Variants in EXTL3 observed in about 807,000 individuals in gnomAD.
EXTL3 encodes the protein exostosin-like 3.
Under a neutral mutation model 69.3 loss-of-function variants are expected in EXTL3, and 27 were observed. The observed-to-expected ratio is 0.39, with a 90% confidence interval of 0.29 to 0.54. EXTL3 has a LOEUF of 0.54. EXTL3 is among the 20% of genes least tolerant of loss of function. EXTL3 has a pLI of 0.69. For synonymous variants in EXTL3, 511 were observed against 499.4 expected, an observed-to-expected ratio of 1.02 and a Z score of -0.31; for missense variants, 1,003 against 1,231.8, an observed-to-expected ratio of 0.81 and a Z score of 2.78.
intron 1 of EXTL3, among the ~76,000 whole-genome samples, chr8:28,669,915 A>C (rs1319719095): frequency 6.6e-6 from 1 of 151,996 alleles, no homozygotes. Context: ...ATGTCCTTTA[A>C]AGGGACTTTG....
chr8:28,646,750 TG>T (rs1806837473), intron 1 of EXTL3, among the ~76,000 whole-genome samples: 1 of 152,216 alleles, frequency 6.6e-6, no homozygotes, highest in Non-Finnish European at 1.5e-5. Flanking sequence ...TCTGTGAGCT[TG>T]GGGAAGTCAG....
At chr8:28,741,532 C>T (rs1801780059) in intron 5 of EXTL3, 1 of 152,138 alleles carries the variant, frequency 6.6e-6, no homozygotes, top group Non-Finnish European at 1.5e-5. Context: ...CTCAGTGCAG[C>T]CTAGAACTCC....
chr8:28,652,907 A>G (rs932565250), intron 1 of EXTL3, among the ~76,000 whole-genome samples: 5 of 152,174 alleles, frequency 3.3e-5, no homozygotes, highest in Admixed American at 1.3e-4. Flanking sequence ...AACTGAGCAG[A>G]AAGTAGAGAA....
At chr8:28,657,237 C>T (rs1807026042) in intron 1 of EXTL3, among the ~76,000 whole-genome samples, 1 of 152,150 alleles carries the variant, frequency 6.6e-6, no homozygotes, top group African/African-American at 2.4e-5. Flanking sequence ...GCCACTGTGC[C>T]CAGTCTCATT....
intron 1 of EXTL3, among the ~76,000 whole-genome samples, chr8:28,673,141 G>T (rs530459904): frequency 6.6e-6 from 1 of 152,288 alleles, no homozygotes; most frequent in African/African-American, 2.4e-5. Context: ...TGGACTAATA[G>T]AGTAAGCAGA....
rs1233038487 is a variant in EXTL3 at position 28,755,304 on chromosome 8, C to T, written c.*4438C>T. The T allele has an allele frequency of 6.6e-6, 1 of 152,552 alleles. No individual in the cohort carries two copies. Among genetic ancestry groups the T allele is most frequent in the Non-Finnish European group, 1.5e-5 (1 of 68,112 alleles). The allele number at this position is 152,552 out of a possible 1,614,324, so 9.4% of individuals were successfully genotyped here. On this transcript the variant is annotated 3_prime_UTR_variant, in exon 7 of 7. Transcript: ENST00000220562. ...TCACCATGCTGTGTGCTGGCCACTGCTCTGCCTCCCACACCGGACTGCAGC... is the reference window on the plus strand; with the variant it reads ...TCACCATGCTGTGTGCTGGCCACTGTTCTGCCTCCCACACCGGACTGCAGC...
Position 28,608,358 on chromosome 8 carries a change from G to T in EXTL3, n.314+600G>T, listed in dbSNP as rs576135543. ...AATGTGAGACCATCTTGGGAGTCCA[G>T]TGAAAATGAACACTCCCCCAAGATA... On this transcript the variant is annotated intron_variant and non_coding_transcript_variant, in intron 2 of 4. Transcript: ENST00000522725. 7.4e-4 allele frequency among the ~76,000 whole-genome samples: 112 copies of T among 152,152 alleles called. 1 individual carries two copies. The highest frequency in any genetic ancestry group is 2.6e-3 in the African/African-American group (109 of 41,452).
At chr8:28,661,257 A>C (rs1269746937) in intron 1 of EXTL3, among the ~76,000 whole-genome samples, 1 of 151,864 alleles carries the variant, frequency 6.6e-6, no homozygotes, top group Non-Finnish European at 1.5e-5. Flanking sequence ...ATAATTTGAT[A>C]ATTTTGGTCA....
chr8:28,684,587 A>C (rs1345397272), intron 1 of EXTL3, among the ~76,000 whole-genome samples: 1 of 152,010 alleles, frequency 6.6e-6, no homozygotes, highest in Non-Finnish European at 1.5e-5. Context: ...ATAGAAAATA[A>C]AAAATGTTGC....
At position 28,717,519 on chromosome 8, in the gene EXTL3, A is replaced by G. The variant is rs1200742299; in HGVS notation, c.1460A>G (p.Lys487Arg). ...AACGAGGCGGCCCTGGTGGTGCCAA[A>G]GCCTCGTGTTACCGAGGTTCATTTC... ...QWNEAALVVP[K>R]PRVTEVHFLL... The change falls in exon 3 of 7, where the codon AAG becomes AGG. Residue 487 changes from lysine to arginine, a missense_variant. Lys to Arg is a conservative substitution (Grantham distance 26). Coordinates refer to ENST00000220562, the MANE Select transcript of EXTL3 (RefSeq NM_001440.4). This position sits in a 1 kb window ranked among gnomAD's most constrained non-coding sequence, Gnocchi z 8.3. The G allele has an allele frequency of 6.2e-7, 1 of 1,614,108 alleles. No homozygotes were observed. The highest frequency in any genetic ancestry group is 8.5e-7 in the Non-Finnish European group (1 of 1,180,048).
chr8:28,695,020 TAAAC>T (rs1045096565), intron 1 of EXTL3, among the ~76,000 whole-genome samples: 9 of 151,890 alleles, frequency 5.9e-5, no homozygotes, highest in South Asian at 2.1e-4. Context: ...TGTCTCCAAA[TAAAC>T]AAACAAACAA....
intron 3 of EXTL3, among the ~76,000 whole-genome samples, chr8:28,725,223 A>G (rs1801388519): frequency 6.6e-6 from 1 of 152,188 alleles, no homozygotes; most frequent in Admixed American, 6.5e-5. Flanking sequence ...GCCAAATTTC[A>G]TAGGTGGCAG....
chr8:28,643,569 C>G (rs1290127091), intron 1 of EXTL3, among the ~76,000 whole-genome samples: 1 of 151,882 alleles, frequency 6.6e-6, no homozygotes, highest in Non-Finnish European at 1.5e-5. Flanking sequence ...CGCCCGCTAC[C>G]ACACCCGGCT....
chr8:28,680,635 A>G (rs1462643675), intron 1 of EXTL3, among the ~76,000 whole-genome samples: 1 of 152,184 alleles, frequency 6.6e-6, no homozygotes, highest in Admixed American at 6.6e-5. Flanking sequence ...TACATTAATT[A>G]TAGTCACCAT....
chr8:28,745,824 G>C (rs1318275012), intron 6 of EXTL3, among the ~76,000 whole-genome samples: 1 of 152,212 alleles, frequency 6.6e-6, no homozygotes, highest in Non-Finnish European at 1.5e-5. Flanking sequence ...AGTGCAGGTG[G>C]AAGTAATTTA....
At chr8:28,668,282 A>C (rs1807229012) in intron 1 of EXTL3, among the ~76,000 whole-genome samples, 1 of 142,716 alleles carries the variant, frequency 7.0e-6, no homozygotes, top group Non-Finnish European at 1.5e-5. Flanking sequence ...AAAAGAAAAG[A>C]AAAAAGAAAA....
At chr8:28,690,473 G>A (rs1489462970) in intron 1 of EXTL3, among the ~76,000 whole-genome samples, 1 of 152,156 alleles carries the variant, frequency 6.6e-6, no homozygotes, top group Non-Finnish European at 1.5e-5. Flanking sequence ...TGGTGGTGGT[G>A]GTGGTGGTGG....
At chr8:28,622,069 C>A (rs569672742), upstream of EXTL3, among the ~76,000 whole-genome samples, 134 of 152,286 alleles carry the variant, frequency 8.8e-4, 1 homozygote, top group African/African-American at 3.1e-3. Context: ...CACACAGAAC[C>A]CCGTTCTTCT....
intron 1 of EXTL3, among the ~76,000 whole-genome samples, chr8:28,687,110 A>C (rs1233811758): frequency 6.6e-6 from 1 of 152,216 alleles, no homozygotes; most frequent in Non-Finnish European, 1.5e-5. Context: ...TGATGTTTCC[A>C]GCTTGGACTC....
Sources: allele counts gnomAD v4.1 joint callset (sites outside exome capture counted in the v4.1 genomes callset), GRCh38; gene constraint gnomAD v4.1.1; non-coding constraint Gnocchi (gnomAD v3.1); transcripts MANE v1.5; gene names NCBI Gene and HGNC (gene_info 2026-07-23, HGNC 2026-07-21).